The following SPEF2 variants were observed in gnomAD, a reference collection of about 807,000 sequenced individuals.
SPEF2 encodes the protein sperm flagellar and cilia associated 2.
SPEF2 carries 187 observed loss-of-function variants against 224.6 expected under a neutral mutation model. That is an observed-to-expected ratio of 0.83 (90% CI 0.74 to 0.94). The LOEUF (loss-of-function observed/expected upper bound fraction) is 0.94. Ranked by LOEUF, SPEF2 falls within the 40% of genes least tolerant of loss-of-function variation. The pLI, the probability that SPEF2 is intolerant of heterozygous loss-of-function variation, is 0.00. For synonymous variants in SPEF2, 715 were observed against 707.3 expected (o/e 1.01, Z -0.17); for missense variants, 2,170 against 2,135.6 (o/e 1.02, Z -0.32).
intron 34 of SPEF2, among the ~76,000 whole-genome samples, chr5:35,805,153 A>G (rs1489758249): frequency 5.3e-5 from 8 of 152,150 alleles, no homozygotes; most frequent in African/African-American, 2.4e-5. Flanking sequence ...ATAAATATGT[A>G]TATTTGATTC....
At chr5:35,655,837 A>G (rs1015047591) in intron 7 of SPEF2, among the ~76,000 whole-genome samples, 1 of 152,228 alleles carries the variant, frequency 6.6e-6, no homozygotes, top group African/African-American at 2.4e-5. Flanking sequence ...GTTTGAATGC[A>G]AAGCAGAATA....
chr5:35,684,195 A>G (rs925331979), intron 10 of SPEF2, among the ~76,000 whole-genome samples: 1 of 152,218 alleles, frequency 6.6e-6, no homozygotes, highest in Non-Finnish European at 1.5e-5. Context: ...AGTTAAACTA[A>G]TAACCATCAT....
chr5:35,774,091 T>G, intron 28 of SPEF2, 70 bp downstream of exon 28: 1 of 1,555,698 alleles, frequency 6.4e-7, no homozygotes, highest in Non-Finnish European at 8.7e-7. Flanking sequence ...AGCCCACAAC[T>G]GGCTCATCAA....
At chr5:35,706,115 G>A (rs1739711925) in intron 18 of SPEF2, among the ~76,000 whole-genome samples, 1 of 151,324 alleles carries the variant, frequency 6.6e-6, no homozygotes, top group African/African-American at 2.4e-5. Context: ...TTTATTCTCT[G>A]GATATTTGTA....
chr5:35,714,605 T>C (rs1340905444), intron 20 of SPEF2, among the ~76,000 whole-genome samples: 2 of 151,736 alleles, frequency 1.3e-5, no homozygotes, highest in African/African-American at 4.8e-5. Flanking sequence ...TACAATTACA[T>C]GGCCTCAGTT....
intron 23 of SPEF2, among the ~76,000 whole-genome samples, chr5:35,750,807 A>G (rs1031715802): frequency 6.6e-6 from 1 of 151,574 alleles, no homozygotes. Flanking sequence ...AAGAACTAAA[A>G]GTAGAGCTAC....
At chr5:35,758,987 T>C (rs1480007320) in intron 24 of SPEF2, among the ~76,000 whole-genome samples, 12 of 101,556 alleles carry the variant, frequency 1.2e-4, no homozygotes, top group Admixed American at 3.3e-4. Context: ...GCCTGGGTGA[T>C]AGAGCAAGAC....
chr5:35,701,578 C>T (rs1447146910), intron 16 of SPEF2, among the ~76,000 whole-genome samples: 73 of 152,130 alleles, frequency 4.8e-4, no homozygotes, highest in Non-Finnish European at 5.9e-5. Flanking sequence ...GCCTCTTGGA[C>T]CCTTGGGGGT....
At chr5:35,771,383 C>T (rs111336429) in intron 26 of SPEF2, among the ~76,000 whole-genome samples, 15 of 152,194 alleles carry the variant, frequency 9.9e-5, no homozygotes, top group African/African-American at 3.4e-4. Context: ...CTTGAGAAAG[C>T]GAGCAGCCTC....
chr5:35,685,029 AG>A (rs532552732), intron 10 of SPEF2, among the ~76,000 whole-genome samples: 3 of 152,322 alleles, frequency 2.0e-5, no homozygotes, highest in African/African-American at 7.2e-5. Flanking sequence ...AATCAACTAT[AG>A]TGCAACCAAT....
chr5:35,758,151 A>G (rs1459051410), intron 24 of SPEF2, among the ~76,000 whole-genome samples: 1 of 152,184 alleles, frequency 6.6e-6, no homozygotes, highest in African/African-American at 2.4e-5. Context: ...TGATAAATGT[A>G]GGGATCCCTT....
In SPEF2 at chr5:35,694,480, A is replaced by G; in HGVS notation, c.1975+117A>G. ...ATAAACGGGAACCAAGGGGAGTTTTACATAGTTGTCTACATATGGCCATTT... is the reference window on the plus strand; with the variant it reads ...ATAAACGGGAACCAAGGGGAGTTTTGCATAGTTGTCTACATATGGCCATTT... On this transcript the variant is annotated intron_variant, in intron 13 of 36. Transcript: ENST00000356031. 2 of 882,334 alleles carry G rather than the reference A, an allele frequency of 2.3e-6. 1 individual carries two copies. The highest frequency in any genetic ancestry group is 5.4e-5 in the East Asian group (2 of 37,098). The allele number at this position is 882,334 out of a possible 1,614,324, so 54.7% of individuals were successfully genotyped here.
At chr5:35,733,281 GT>G (rs1168123643) in intron 21 of SPEF2, among the ~76,000 whole-genome samples, 11 of 151,896 alleles carry the variant, frequency 7.2e-5, no homozygotes, top group African/African-American at 1.7e-4. Flanking sequence ...CGCCCGACTA[GT>G]TTTTTGTATT....
intron 24 of SPEF2, among the ~76,000 whole-genome samples, chr5:35,758,976 A>T (rs1037351614): frequency 8.5e-6 from 1 of 118,132 alleles, no homozygotes; most frequent in Admixed American, 1.2e-4. Flanking sequence ...ACTGCATTCC[A>T]GCCTGGGTGA....
intron 15 of SPEF2, chr5:35,699,075 A>G (rs1378975294): frequency 6.6e-6 from 1 of 152,172 alleles, no homozygotes; most frequent in Admixed American, 6.5e-5. Context: ...ACAGCTTGAT[A>G]CTGTGGAAAG....
chr5:35,672,064 T>C (rs773797043), intron 10 of SPEF2, among the ~76,000 whole-genome samples: 6 of 151,614 alleles, frequency 4.0e-5, no homozygotes, highest in Non-Finnish European at 8.8e-5. Flanking sequence ...ATGTTTCAAC[T>C]TGTAAAATAT....
At chr5:35,631,810 T>C (rs1265478937) in intron 2 of SPEF2, among the ~76,000 whole-genome samples, 1 of 152,230 alleles carries the variant, frequency 6.6e-6, no homozygotes, top group Non-Finnish European at 1.5e-5. Flanking sequence ...GCAAAACTTG[T>C]ATTTGTCACA....
intron 34 of SPEF2, among the ~76,000 whole-genome samples, chr5:35,800,601 G>A (rs1289428052): frequency 6.6e-6 from 1 of 152,194 alleles, no homozygotes; most frequent in Non-Finnish European, 1.5e-5. Flanking sequence ...CATATCACCT[G>A]TGTCCAAGGA....
intron 33 of SPEF2, among the ~76,000 whole-genome samples, chr5:35,796,219 A>T (rs768856841): frequency 6.6e-6 from 1 of 152,230 alleles, no homozygotes; most frequent in Non-Finnish European, 1.5e-5. Flanking sequence ...CCCATAGCCC[A>T]TCAGAGCTTG....
Sources: gnomAD v4.1 joint callset for allele counts (sites outside exome capture counted in the v4.1 genomes callset) on GRCh38, gnomAD v4.1.1 for gene constraint, MANE v1.5 for transcripts, NCBI Gene and HGNC (gene_info 2026-07-23, HGNC 2026-07-21) for gene names.